The following ERN1 variants were observed in gnomAD, a reference collection of about 807,000 sequenced individuals.
ERN1 encodes endoplasmic reticulum to nucleus signaling 1.
Under a neutral mutation model 113.1 loss-of-function variants are expected in ERN1, and 39 were observed. That is an observed-to-expected ratio of 0.34 (90% CI 0.27 to 0.45). The LOEUF is 0.45. Ranked by LOEUF, ERN1 falls within the 20% of genes least tolerant of loss-of-function variation. ERN1 has a pLI of 1.00. For missense variants in ERN1, 976 were observed against 1,274.8 expected, an observed-to-expected ratio of 0.77 and a Z score of 3.57; for synonymous variants, 507 against 515.9, an observed-to-expected ratio of 0.98 and a Z score of 0.23.
intron 1 of ERN1, among the ~76,000 whole-genome samples, chr17:64,114,493 A>C (rs892613539): frequency 2.0e-5 from 3 of 152,240 alleles, no homozygotes; most frequent in African/African-American, 7.2e-5. Flanking sequence ...CAAAATTCTG[A>C]GACTGCAGAG....
At position 64,044,582 on chromosome 17, in the gene ERN1, G is replaced by A. The variant is rs1300663062; in HGVS notation, c.2721+278C>T. Among the ~76,000 whole-genome samples the A allele has an allele frequency of 6.6e-6, 1 of 152,246 alleles. No individual in the cohort carries two copies. The highest frequency in any genetic ancestry group is 1.5e-5 in the Non-Finnish European group (1 of 68,046). ...TTACACACAGTGGCTGCATCAGACAGGGAGAGGGCCCCACAAAAGTCAGCG... is the reference window on the plus strand; with the variant it reads ...TTACACACAGTGGCTGCATCAGACAAGGAGAGGGCCCCACAAAAGTCAGCG... On this transcript the variant is annotated intron_variant, in intron 21 of 21. Transcript: ENST00000433197. The surrounding 1 kb of genome is among the most constrained non-coding windows in gnomAD (Gnocchi z 4.1).
intron 7 of ERN1, 196 bp from the exon 8 acceptor site, chr17:64,067,128 G>C (rs1913254765): frequency 3.2e-6 from 2 of 621,520 alleles, no homozygotes. Context: ...CTGAGAGCTG[G>C]CTGGCGTATA....
intron 2 of ERN1, among the ~76,000 whole-genome samples, chr17:64,091,767 CG>C (rs908402741): frequency 6.7e-6 from 1 of 149,912 alleles, no homozygotes; most frequent in Non-Finnish European, 1.5e-5. Flanking sequence ...GGAGTTGGGG[CG>C]GGGGGGCGGC....
intron 2 of ERN1, among the ~76,000 whole-genome samples, chr17:64,091,428 A>G (rs1250959926): frequency 6.6e-6 from 1 of 152,230 alleles, no homozygotes; most frequent in African/African-American, 2.4e-5. Flanking sequence ...TGCCTTGGAC[A>G]TTTACTGAGC....
chr17:64,098,834 A>C (rs1038459345), intron 1 of ERN1, among the ~76,000 whole-genome samples: 1 of 152,204 alleles, frequency 6.6e-6, no homozygotes, highest in Non-Finnish European at 1.5e-5. Flanking sequence ...ATTTAAATTA[A>C]AATGTACCTT....
intron 1 of ERN1, among the ~76,000 whole-genome samples, chr17:64,100,961 C>T (rs1012170808): frequency 2.0e-5 from 3 of 152,136 alleles, no homozygotes; most frequent in Non-Finnish European, 4.4e-5. Context: ...TCCTCAGGCC[C>T]AGCTAAGTTC....
In ERN1 at chr17:64,052,934, T is replaced by C. The variant is rs918253870; in HGVS notation, c.2099A>G (p.Asn700Ser). The C allele has an allele frequency of 4.3e-6, 7 of 1,613,624 alleles. No homozygotes were observed. Among genetic ancestry groups the C allele is most frequent in the African/African-American group, 1.3e-5 (1 of 74,916 alleles). ...KPHNILISMP[N>S]AHGKIKAMIS... Reference sequence around the variant, plus strand: ...CATGGCCTTGATCTTGCCGTGTGCATTGGGCATGGATATGAGGATGTTGTG... The same window carrying C: ...CATGGCCTTGATCTTGCCGTGTGCACTGGGCATGGATATGAGGATGTTGTG... The change falls in exon 17 of 22, where the codon AAT (asparagine) becomes AGT (serine). Residue 700 changes from asparagine to serine, a missense_variant. Physicochemically the swap from Asn to Ser is conservative, Grantham distance 46. This residue lies in a region of ERN1 where 297 missense variants were observed against 457.8 expected (regional missense o/e 0.65). Coordinates refer to ENST00000433197, the MANE Select transcript of ERN1 (RefSeq NM_001433.5).
At position 64,098,600 on chromosome 17, in the gene ERN1, C is replaced by T. The variant is rs114518290; in HGVS notation, c.55-359G>A. On this transcript the variant is annotated intron_variant, in intron 1 of 21. Transcript: ENST00000433197. Reference sequence around the variant, plus strand: ...TCTAAAACCTGGGCATCTCATAAGACGTTATGATAAAAAAGAATGCCAATA... The same window carrying T: ...TCTAAAACCTGGGCATCTCATAAGATGTTATGATAAAAAAGAATGCCAATA... 1.5e-3 allele frequency: 811 copies of T among 535,972 alleles called. 5 individuals carry two copies. The highest frequency in any genetic ancestry group is 0.014 in the African/African-American group (719 of 52,682). The allele number at this position is 535,972 out of a possible 1,614,324, so 33.2% of individuals were successfully genotyped here.
At position 64,054,433 on chromosome 17, in the gene ERN1, C is replaced by T. The variant is rs1413408688; in HGVS notation, c.1770G>A (p.Met590Ile). The part of the protein sequence containing the change: ...GAEGTIVYRG[M>I]FDNRDVAVKR... ...TCACGGCCACGTCGCGGTTGTCAAA[C>T]ATGCCCCTGCGGGATGAGGAGTGGG... The change falls in exon 15 of 22, where the codon ATG becomes ATA. Residue 590 changes from methionine (M) to isoleucine (I), a missense_variant. Physicochemically the swap from Met to Ile is conservative, Grantham distance 10. Coordinates refer to ENST00000433197, the MANE Select transcript of ERN1 (RefSeq NM_001433.5). This position sits in a 1 kb window ranked among gnomAD's most constrained non-coding sequence, Gnocchi z 4.9. 2.6e-6 allele frequency: 4 copies of T among 1,559,190 alleles called. No homozygotes were observed. The highest frequency in any genetic ancestry group is 3.5e-6 in the Non-Finnish European group (4 of 1,151,078).
intron 1 of ERN1, among the ~76,000 whole-genome samples, chr17:64,123,474 AT>A (rs966675985): frequency 1.3e-4 from 20 of 152,346 alleles, no homozygotes; most frequent in African/African-American, 4.6e-4. Flanking sequence ...TAAACATTCT[AT>A]TTTCATCCAA....
chr17:64,115,321 C>T (rs1420058962), intron 1 of ERN1, among the ~76,000 whole-genome samples: 2 of 152,158 alleles, frequency 1.3e-5, no homozygotes, highest in Non-Finnish European at 2.9e-5. Flanking sequence ...TCACTTACTC[C>T]AACCCTGCCC....
At position 64,075,264 on chromosome 17, in the gene ERN1, A is replaced by AAAAAC; in HGVS notation, c.283-18_283-17insGTTTT. 1 of 1,489,222 alleles carries AAAAAC rather than the reference A, an allele frequency of 6.7e-7. No individual in the cohort carries two copies. The highest frequency in any genetic ancestry group is 8.9e-7 in the Non-Finnish European group (1 of 1,126,786). 92.3% of individuals were successfully genotyped at this position (1,489,222 alleles called of 1,614,324 possible). A position where few individuals can be genotyped will look rare whatever the true frequency, so the allele number is the denominator to read the frequency against. ...AGGAAGTTTCTTTAAAAAAAAAAAA[A>AAAAAC]AAGAAAAAAAAAAGTTAACCAAGTC... On this transcript the variant is annotated splice_polypyrimidine_tract_variant and intron_variant, in intron 4 of 21. Transcript: ENST00000433197.
chr17:64,104,199 G>A (rs1024932430), intron 1 of ERN1, among the ~76,000 whole-genome samples: 2 of 152,208 alleles, frequency 1.3e-5, no homozygotes, highest in South Asian at 4.2e-4. Flanking sequence ...CCAAGACAGT[G>A]CTACTGCACT....
At chr17:64,106,458 A>G (rs1914528917) in intron 1 of ERN1, among the ~76,000 whole-genome samples, 1 of 152,186 alleles carries the variant, frequency 6.6e-6, no homozygotes, top group African/African-American at 2.4e-5. Context: ...CATGCCACAC[A>G]GGGGAATGTG....
intron 4 of ERN1, among the ~76,000 whole-genome samples, chr17:64,075,727 A>T (rs1028492304): frequency 2.0e-5 from 3 of 152,216 alleles, no homozygotes; most frequent in African/African-American, 7.2e-5. Context: ...GGGTGACACA[A>T]ACCTTTTCTG....
rs114277365 is a variant in ERN1, at chr17:64,075,414, G to A, written c.283-167C>T. 3.9e-3 allele frequency among the ~76,000 whole-genome samples: 592 copies of A among 152,264 alleles called. 3 individuals carry two copies. Among genetic ancestry groups the A allele is most frequent in the African/African-American group, 0.014 (564 of 41,550 alleles). Reference sequence around the variant, plus strand: ...TACAAAGGAGAAGGGGGCACCCTATGCTTCCACATCTACTGTGTTTTTATT... The same window carrying A: ...TACAAAGGAGAAGGGGGCACCCTATACTTCCACATCTACTGTGTTTTTATT... On this transcript the variant is annotated intron_variant, in intron 4 of 21. Coordinates refer to ENST00000433197, the MANE Select transcript of ERN1 (RefSeq NM_001433.5).
Position 64,044,822 on chromosome 17 carries a change from C to T in ERN1, c.2721+38G>A, listed in dbSNP as rs761267281. On this transcript the variant is annotated intron_variant, in intron 21 of 21. Coordinates refer to ENST00000433197, the MANE Select transcript of ERN1 (RefSeq NM_001433.5). The surrounding 1 kb of genome is among the most constrained non-coding windows in gnomAD (Gnocchi z 4.1). The stretch of plus-strand genomic sequence containing the variant: ...AAGGAGGAAGGTGTCCATGTCATGG[C>T]CACTGGGTCTCCTCCCCAGCATTTA... 30 of 1,332,276 alleles carry T rather than the reference C, an allele frequency of 2.3e-5. 1 individual carries two copies. In the South Asian group the frequency reaches 3.6e-4, roughly 16 times the overall value. The allele number at this position is 1,332,276 out of a possible 1,614,324, so 82.5% of individuals were successfully genotyped here.
chr17:64,045,430 T>G lies in ERN1; in HGVS notation c.2582A>C (p.Gln861Pro). The change falls in exon 20 of 22, where the codon CAG becomes CCG. Residue 861 changes from glutamine to proline, a missense_variant. Transcript: ENST00000433197. ...KESLDGPIVK[Q>P]LERGGRAVVK... is the part of the protein sequence containing the mutation. ...CACGGCTCTCCCGCCTCTCTCTAAC[T>G]GCTTCACGATCGGGCCATCCAGGGA... The G allele has an allele frequency of 6.2e-7, 1 of 1,613,992 alleles. No homozygotes were observed. The highest frequency in any genetic ancestry group is 8.5e-7 in the Non-Finnish European group (1 of 1,179,872).
chr17:64,119,579 A>G (rs1007115543), intron 1 of ERN1, among the ~76,000 whole-genome samples: 3 of 150,564 alleles, frequency 2.0e-5, no homozygotes, highest in Non-Finnish European at 4.4e-5. Context: ...TTTAGTAGAG[A>G]CGGGGTTTCA....
Sources: allele counts gnomAD v4.1 joint callset (sites outside exome capture counted in the v4.1 genomes callset), GRCh38; gene constraint gnomAD v4.1.1; regional missense constraint gnomAD v4.1.1; non-coding constraint Gnocchi (gnomAD v3.1); transcripts MANE v1.5; gene names NCBI Gene and HGNC (gene_info 2026-07-23, HGNC 2026-07-21).